SGCD: variants seen among roughly 807,000 people sequenced by gnomAD.
SGCD encodes the protein sarcoglycan delta.
A neutral mutation model predicts 36.6 loss-of-function variants in SGCD; 18 were observed. The observed-to-expected ratio is 0.49, with a 90% CI of 0.34 to 0.73. The LOEUF (loss-of-function observed/expected upper bound fraction) is 0.73. Ranked by LOEUF, SGCD falls within the 30% of genes least tolerant of loss-of-function variation. The pLI, the probability that SGCD is intolerant of heterozygous loss-of-function variation, is 0.01. For synonymous variants in SGCD, 133 were observed against 130.6 expected (o/e 1.02, Z -0.12); for missense variants, 387 against 346.7 (o/e 1.12, Z -0.92).
intron 3 of SGCD, among the ~76,000 whole-genome samples, chr5:156,140,892 C>A (rs1762564298): frequency 6.6e-6 from 1 of 152,150 alleles, no homozygotes; most frequent in African/African-American, 2.4e-5. Flanking sequence ...TTTCACATAT[C>A]TTTGAGGCTG....
At chr5:156,090,555 T>A (rs1761214923) in intron 1 of SGCD, among the ~76,000 whole-genome samples, 1 of 152,140 alleles carries the variant, frequency 6.6e-6, no homozygotes, top group Non-Finnish European at 1.5e-5. Context: ...AAAATTAGAA[T>A]TACTGATAAA....
In SGCD at chr5:156,760,052, A is replaced by C. The variant is rs1306162672; in HGVS notation, c.*662A>C. 6.6e-6 allele frequency: 1 copy of C among 152,178 alleles called. No individual in the cohort carries two copies. Among genetic ancestry groups the C allele is most frequent in the Non-Finnish European group, 1.5e-5 (1 of 68,030 alleles). 9.4% of individuals were successfully genotyped at this position (152,178 alleles called of 1,614,324 possible). ...ATGAATGAGGAGGATGAATTTCAGC[A>C]AATTTTGAACTGCTCACCCAACTTC... On this transcript the variant is annotated 3_prime_UTR_variant, in exon 9 of 9. Coordinates refer to ENST00000337851, the MANE Select transcript of SGCD (RefSeq NM_000337.6).
At chr5:155,756,497 C>A in the SGCD span, among the ~76,000 whole-genome samples, 1 of 152,242 alleles carries the variant, frequency 6.6e-6, no homozygotes, top group Non-Finnish European at 1.5e-5. Context: ...GAAAAGAGAC[C>A]TTCTGTGAAT....
chr5:156,532,778 T>C lies in SGCD; in HGVS notation c.294+24076T>C, dbSNP rs181774189. Among the ~76,000 whole-genome samples, 301 of 152,264 alleles carry C rather than the reference T, an allele frequency of 2.0e-3. 1 individual carries two copies. The highest frequency in any genetic ancestry group is 6.8e-3 in the African/African-American group (283 of 41,552). On this transcript the variant is annotated intron_variant, in intron 4 of 8. Transcript: ENST00000337851. ...GTCTGCCTATCTTGCTTATTTCTTA[T>C]AGTGACCTTATAAAGGCTCTATCAC...
chr5:155,962,437 G>T (rs1581014214), intron 1 of SGCD, among the ~76,000 whole-genome samples: 2 of 152,020 alleles, frequency 1.3e-5, no homozygotes, highest in East Asian at 1.9e-4. Context: ...TCATGCTGAG[G>T]ACTCGCATTG....
Position 156,150,679 on chromosome 5 carries a change from A to G in SGCD, c.-44+26660A>G, listed in dbSNP as rs115327209. On this transcript the variant is annotated intron_variant, in intron 3 of 9. Transcript: ENST00000517913. ...AGGGGATAAGCTGTGGCTTCCCCGC[A>G]GTGATCTTTAGACTGTGTTTTCTCT... Among the ~76,000 whole-genome samples the G allele has an allele frequency of 6.1e-3, 920 of 151,786 alleles. 5 individuals carry two copies. The highest frequency in any genetic ancestry group is 9.4e-3 in the Non-Finnish European group (638 of 68,018).
At chr5:156,675,817 A>G (rs866005632) in intron 7 of SGCD, among the ~76,000 whole-genome samples, 2 of 152,318 alleles carry the variant, frequency 1.3e-5, no homozygotes, top group South Asian at 2.1e-4. Context: ...ATGTTCAAAA[A>G]TCTAACTCTA....
chr5:156,206,814 A>G (rs1156543817), intron 3 of SGCD, among the ~76,000 whole-genome samples: 1 of 152,032 alleles, frequency 6.6e-6, no homozygotes, highest in African/African-American at 2.4e-5. Flanking sequence ...TATATCCAAA[A>G]GAAACAAGTA....
chr5:156,648,035 A>G (rs2113587604), intron 7 of SGCD, among the ~76,000 whole-genome samples: 1 of 152,212 alleles, frequency 6.6e-6, no homozygotes, highest in East Asian at 1.9e-4. Flanking sequence ...TTAGCAGAGG[A>G]TGACTCTGAG....
intron 2 of SGCD, among the ~76,000 whole-genome samples, chr5:156,122,180 T>C (rs140691845): frequency 3.9e-5 from 6 of 152,272 alleles, no homozygotes; most frequent in Middle Eastern, 6.8e-3. Context: ...CCATGAGGTT[T>C]ACTTAACCTT....
rs75639002 is a variant in SGCD at position 156,739,458 on chromosome 5, C to T, written c.576-18123C>T. ...GAGACAAATAAATAATTGCAAATTG[C>T]GTCCAGTGGCATGAAGGAAATGGAT... is the stretch of plus-strand genomic sequence containing the variant. On this transcript the variant is annotated intron_variant, in intron 7 of 8. Transcript: ENST00000337851. Among the ~76,000 whole-genome samples, 351 of 152,188 alleles carry T rather than the reference C, an allele frequency of 2.3e-3. 2 individuals carry two copies. The highest frequency in any genetic ancestry group is 8.0e-3 in the African/African-American group (331 of 41,534).
intron 2 of SGCD, 24 bp downstream of exon 2, chr5:156,329,603 C>A: frequency 6.2e-7 from 1 of 1,610,206 alleles, no homozygotes; most frequent in Non-Finnish European, 8.5e-7. Context: ...GGGAGCGAAG[C>A]TTGTTCAAGG....
At chr5:156,029,081 C>T (rs1759286247) in intron 1 of SGCD, among the ~76,000 whole-genome samples, 1 of 152,008 alleles carries the variant, frequency 6.6e-6, no homozygotes, top group East Asian at 1.9e-4. Context: ...GGTCACCATT[C>T]TCAACCTCAT....
At chr5:156,635,321 A>T (rs1006609171) in intron 6 of SGCD, among the ~76,000 whole-genome samples, 3 of 152,216 alleles carry the variant, frequency 2.0e-5, no homozygotes, top group African/African-American at 7.2e-5. Context: ...AATGCAAATC[A>T]AAACCACAAT....
the SGCD span, among the ~76,000 whole-genome samples, chr5:155,782,854 A>G: frequency 6.6e-6 from 1 of 152,084 alleles, no homozygotes; most frequent in African/African-American, 2.4e-5. Flanking sequence ...TCACCAAACC[A>G]TCCCCCTCTT....
chr5:155,855,741 G>C, the SGCD span, among the ~76,000 whole-genome samples: 1 of 152,160 alleles, frequency 6.6e-6, no homozygotes, highest in Non-Finnish European at 1.5e-5. Flanking sequence ...TTGAGATTCA[G>C]AGAGGACAAA....
chr5:155,825,775 G>T, the SGCD span, among the ~76,000 whole-genome samples: 1 of 150,786 alleles, frequency 6.6e-6, no homozygotes, highest in Non-Finnish European at 1.5e-5. Context: ...TTGAGACAGG[G>T]TCTCACTCTG....
intron 4 of SGCD, among the ~76,000 whole-genome samples, chr5:156,510,485 A>G (rs1756882978): frequency 6.6e-6 from 1 of 152,192 alleles, no homozygotes; most frequent in Non-Finnish European, 1.5e-5. Flanking sequence ...CTTTAGACTA[A>G]TAGTCTTACC....
At chr5:156,345,737 C>T (rs1396086626) in intron 3 of SGCD, among the ~76,000 whole-genome samples, 2 of 152,090 alleles carry the variant, frequency 1.3e-5, no homozygotes, top group Admixed American at 6.5e-5. Flanking sequence ...TACCAAAACC[C>T]TCTTGTTTGA....
Sources: gnomAD v4.1 joint callset for allele counts (sites outside exome capture counted in the v4.1 genomes callset) on GRCh38, gnomAD v4.1.1 for gene constraint, MANE v1.5 for transcripts, NCBI Gene and HGNC (gene_info 2026-07-23, HGNC 2026-07-21) for gene names.